BCAS3: variants seen among roughly 807,000 people sequenced by gnomAD.
BCAS3 encodes BCAS4/BCAS3 fusion.
BCAS3 carries 53 observed loss-of-function variants against 116.1 expected under a neutral mutation model. The ratio of observed to expected loss-of-function variants is 0.46; its 90% confidence interval spans 0.37 to 0.57. The LOEUF (loss-of-function observed/expected upper bound fraction) is 0.57, where lower values mean the gene tolerates loss of function less well. Ranked by LOEUF, BCAS3 falls within the 20% of genes least tolerant of loss-of-function variation. The pLI, the probability that BCAS3 is intolerant of heterozygous loss-of-function variation, is 0.00. For synonymous variants in BCAS3, 391 were observed against 408.2 expected, an observed-to-expected ratio of 0.96 and a Z score of 0.51; for missense variants, 917 against 1,165.4, an observed-to-expected ratio of 0.79 and a Z score of 3.10.
Position 61,126,363 on chromosome 17 carries a change from A to G in BCAS3, c.2425+41799A>G, listed in dbSNP as rs1041488615. Reference sequence around the variant, plus strand: ...ATACTTATTTTCAGAGACATTAGAAAAAAAGAGCAGTGTATATGTGTCATG... The same window carrying G: ...ATACTTATTTTCAGAGACATTAGAAGAAAAGAGCAGTGTATATGTGTCATG... On this transcript the variant is annotated intron_variant, in intron 22 of 23. Transcript: ENST00000407086. The surrounding 1 kb of genome is among the most constrained non-coding windows in gnomAD (Gnocchi z 4.6). 6.6e-6 allele frequency among the ~76,000 whole-genome samples: 1 copy of G among 152,198 alleles called. No homozygotes were observed. The highest frequency in any genetic ancestry group is 6.6e-5 in the Admixed American group (1 of 15,264).
chr17:60,810,145 C>T, intron 7 of BCAS3: 1 of 384,332 alleles, frequency 2.6e-6, no homozygotes, highest in Non-Finnish European at 5.1e-6. Context: ...CCTGTCCTCT[C>T]ACTCTCCCCA....
At chr17:61,010,418 C>T (rs533529097) in intron 15 of BCAS3, among the ~76,000 whole-genome samples, 33 of 151,548 alleles carry the variant, frequency 2.2e-4, no homozygotes, top group African/African-American at 6.3e-4. Flanking sequence ...CCAAAGTACA[C>T]GTACCTGTAG....
rs1170738940 is a variant in BCAS3 at position 60,995,202 on chromosome 17, G to C, written c.1486+4967G>C. Among the ~76,000 whole-genome samples the C allele has an allele frequency of 6.6e-6, 1 of 151,972 alleles. No individual in the cohort carries two copies. The highest frequency in any genetic ancestry group is 2.4e-5 in the African/African-American group (1 of 41,354). ...GAGTCTTGCTCTGTCTCCCAGGCTAGAGTGCAGTGGTGCAATCTTGGCTTG... is the reference window on the plus strand; with the variant it reads ...GAGTCTTGCTCTGTCTCCCAGGCTACAGTGCAGTGGTGCAATCTTGGCTTG... On this transcript the variant is annotated intron_variant, in intron 15 of 23. Transcript: ENST00000407086. The surrounding 1 kb of genome is among the most constrained non-coding windows in gnomAD (Gnocchi z 4.7).
chr17:61,246,863 A>ATGATGTTTTCCATGAGCC (rs1051132495), intron 22 of BCAS3, among the ~76,000 whole-genome samples: 1 of 151,276 alleles, frequency 6.6e-6, no homozygotes, highest in African/African-American at 2.4e-5. Flanking sequence ...CAAAGCAATC[A>ATGATGTTTTCCATGAGCC]TGATGTTTTC....
At chr17:60,725,918 G>A (rs1176512508) in intron 5 of BCAS3, among the ~76,000 whole-genome samples, 2 of 151,984 alleles carry the variant, frequency 1.3e-5, no homozygotes, top group Admixed American at 1.3e-4. Flanking sequence ...TTTTTGAGAC[G>A]GAGTTTCGCT....
chr17:61,294,528 A>C (rs2052716501), intron 22 of BCAS3, among the ~76,000 whole-genome samples: 1 of 152,148 alleles, frequency 6.6e-6, no homozygotes, highest in South Asian at 2.1e-4. Context: ...TAAGAAATAG[A>C]CCTTTTGTCT....
intron 10 of BCAS3, among the ~76,000 whole-genome samples, chr17:60,890,492 A>C (rs2057071092): frequency 6.6e-6 from 1 of 152,110 alleles, no homozygotes; most frequent in African/African-American, 2.4e-5. Context: ...ATTTACATTA[A>C]CTATATGCTA....
At chr17:60,781,161 G>T (rs1201685311) in intron 6 of BCAS3, among the ~76,000 whole-genome samples, 1 of 151,524 alleles carries the variant, frequency 6.6e-6, no homozygotes, top group Non-Finnish European at 1.5e-5. Flanking sequence ...GTAGAGATGG[G>T]GTCTCACCAT....
At chr17:60,988,338 C>CT (rs71148317) in intron 14 of BCAS3, among the ~76,000 whole-genome samples, 28,458 of 67,370 alleles carry the variant, frequency 0.42, 5,701 homozygotes, top group South Asian at 0.67. Context: ...TTTTCTTTTT[C>CT]TTTTTTTTTT....
chr17:60,999,531 G>A (rs1218805329), intron 15 of BCAS3, among the ~76,000 whole-genome samples: 6 of 147,802 alleles, frequency 4.1e-5, no homozygotes, highest in Non-Finnish European at 7.4e-5. Context: ...TGGGCGACAG[G>A]GTGAGACTGT....
At chr17:61,036,707 GGAGA>G (rs1395273769) in intron 17 of BCAS3, among the ~76,000 whole-genome samples, 1 of 152,054 alleles carries the variant, frequency 6.6e-6, no homozygotes, top group Non-Finnish European at 1.5e-5. Flanking sequence ...CTGTAAAACC[GGAGA>G]GAGAGGACTA....
chr17:60,965,465 G>T (rs2061610108), intron 14 of BCAS3, among the ~76,000 whole-genome samples: 1 of 151,836 alleles, frequency 6.6e-6, no homozygotes, highest in African/African-American at 2.4e-5. Flanking sequence ...CAAGTGATCT[G>T]CCCCCTCGGC....
In BCAS3 at chr17:61,073,496, G is replaced by A. The variant is rs1025767125; in HGVS notation, c.2030-1424G>A. On this transcript the variant is annotated intron_variant, in intron 19 of 23. Transcript: ENST00000407086. The surrounding 1 kb of genome is among the most constrained non-coding windows in gnomAD (Gnocchi z 4.6). ...TCAAAATACTACCTTGTTCTAGCAA[G>A]AGCTCAGTGAGGTTGGCATTCTCTT... 6.6e-6 allele frequency among the ~76,000 whole-genome samples: 1 copy of A among 152,168 alleles called. No individual in the cohort carries two copies. Among genetic ancestry groups the A allele is most frequent in the Non-Finnish European group, 1.5e-5 (1 of 68,034 alleles).
In BCAS3 at chr17:61,007,649, T is replaced by G. The variant is rs936528584; in HGVS notation, c.1487-8102T>G. 3.3e-5 allele frequency among the ~76,000 whole-genome samples: 5 copies of G among 151,930 alleles called. No individual in the cohort carries two copies. The highest frequency in any genetic ancestry group is 1.2e-4 in the African/African-American group (5 of 41,358). ...AGGCAAAGCTCCATGCAGGCTACTT[T>G]GTATGTAGTGGGGAGAAGTGATGAC... is the stretch of plus-strand genomic sequence containing the variant. On this transcript the variant is annotated intron_variant, in intron 15 of 23. Coordinates refer to ENST00000407086, the MANE Select transcript of BCAS3 (RefSeq NM_017679.5). The surrounding 1 kb of genome is among the most constrained non-coding windows in gnomAD (Gnocchi z 4.3).
At chr17:60,839,257 T>G (rs2051660311) in intron 7 of BCAS3, among the ~76,000 whole-genome samples, 1 of 152,228 alleles carries the variant, frequency 6.6e-6, no homozygotes, top group South Asian at 2.1e-4. Context: ...TGAAACCTCC[T>G]TAAAGATAGT....
At chr17:60,695,304 G>A (rs1386271461) in intron 4 of BCAS3, among the ~76,000 whole-genome samples, 2 of 151,946 alleles carry the variant, frequency 1.3e-5, no homozygotes, top group Non-Finnish European at 2.9e-5. Context: ...TATTTTTGTA[G>A]AGACGGGGTT....
In BCAS3 at chr17:61,087,765, GA is replaced by G. The variant is rs2073203008; in HGVS notation, c.2425+3202del. Among the ~76,000 whole-genome samples, 1 of 152,140 alleles carries G rather than the reference GA, an allele frequency of 6.6e-6. No individual in the cohort carries two copies. Among genetic ancestry groups the G allele is most frequent in the South Asian group, 2.1e-4 (1 of 4,834 alleles). Reference sequence around the variant, plus strand: ...TATGCCTTTAGACACCTATGAACTAGATTCTTACTGTCTCTCTGTAAAATAC... The same window carrying G: ...TATGCCTTTAGACACCTATGAACTAGTTCTTACTGTCTCTCTGTAAAATAC... On this transcript the variant is annotated intron_variant, in intron 22 of 23. Coordinates refer to ENST00000407086, the MANE Select transcript of BCAS3 (RefSeq NM_017679.5). The surrounding 1 kb of genome is among the most constrained non-coding windows in gnomAD (Gnocchi z 4.6).
chr17:61,262,180 T>C (rs3867607), intron 22 of BCAS3, among the ~76,000 whole-genome samples: 105,292 of 151,968 alleles, frequency 0.69, 38,080 homozygotes, highest in South Asian at 0.81. Context: ...GGATACAGAA[T>C]TTGAGGATGT....
At chr17:61,093,917 G>A (rs182044623) in intron 22 of BCAS3, among the ~76,000 whole-genome samples, 34 of 152,258 alleles carry the variant, frequency 2.2e-4, no homozygotes, top group African/African-American at 7.5e-4. Context: ...GCATTTGTAC[G>A]AACATACCAG....
Sources: allele counts gnomAD v4.1 joint callset (sites outside exome capture counted in the v4.1 genomes callset), GRCh38; gene constraint gnomAD v4.1.1; non-coding constraint Gnocchi (gnomAD v3.1); transcripts MANE v1.5; gene names NCBI Gene and HGNC (gene_info 2026-07-23, HGNC 2026-07-21).